The following XYLT1 variants were observed in gnomAD, a reference collection of about 807,000 sequenced individuals.
XYLT1 encodes the protein xylosyltransferase 1.
In XYLT1, 36 loss-of-function variants were observed where a neutral mutation model predicts 91.3. That is an observed-to-expected ratio of 0.39 (90% CI 0.30 to 0.52). The LOEUF is 0.52. Among genes scored for constraint, XYLT1 ranks in the 20% least tolerant of loss-of-function variants. The probability of loss-of-function intolerance (pLI) is 0.68; values close to 1 mark genes in which losing one functional copy is unlikely to be tolerated. For missense variants in XYLT1, 1,242 were observed against 1,284.5 expected (o/e 0.97, Z 0.51); for synonymous variants, 588 against 532.0 (o/e 1.11, Z -1.45).
chr16:17,352,146 C>A (rs1454200954), intron 2 of XYLT1, among the ~76,000 whole-genome samples: 2 of 152,138 alleles, frequency 1.3e-5, no homozygotes, highest in Non-Finnish European at 2.9e-5. Context: ...AGGAAAAAGT[C>A]TCAGGTGATT....
intron 2 of XYLT1, among the ~76,000 whole-genome samples, chr16:17,347,017 GGGGAGCC>G (rs1440677405): frequency 6.6e-6 from 1 of 152,170 alleles, no homozygotes; most frequent in Non-Finnish European, 1.5e-5. Context: ...CACATTGAGG[GGGGAGCC>G]GGGGTAGCCC....
chr16:17,402,150 C>A lies in XYLT1; in HGVS notation c.364-44100G>T, dbSNP rs1265333564. ...CCTGTTTCTACAAAAAAAAAAAACA[C>A]ACACACACACACACAAAAAGTTAGC... On this transcript the variant is annotated intron_variant, in intron 1 of 11. Coordinates refer to ENST00000261381, the MANE Select transcript of XYLT1 (RefSeq NM_022166.4). 3.9e-3 allele frequency among the ~76,000 whole-genome samples: 583 copies of A among 148,630 alleles called. 1 individual carries two copies. The highest frequency in any genetic ancestry group is 0.014 in the African/African-American group (558 of 39,862).
intron 1 of XYLT1, among the ~76,000 whole-genome samples, chr16:17,376,355 A>G (rs572257224): frequency 1.4e-4 from 21 of 152,306 alleles, no homozygotes; most frequent in African/African-American, 4.8e-4. Flanking sequence ...CTAAGAGGAC[A>G]GAGGTAGGCC....
At chr16:17,257,912 A>G (rs1347689162) in intron 3 of XYLT1, among the ~76,000 whole-genome samples, 2 of 152,176 alleles carry the variant, frequency 1.3e-5, no homozygotes, top group Non-Finnish European at 2.9e-5. Flanking sequence ...TTCCAAGGGC[A>G]CTAGAGAAGG....
chr16:17,116,827 C>T (rs2141483209), intron 11 of XYLT1, among the ~76,000 whole-genome samples: 1 of 152,324 alleles, frequency 6.6e-6, no homozygotes, highest in East Asian at 1.9e-4. Flanking sequence ...TCACGCATTT[C>T]CCAATATGAT....
intron 6 of XYLT1, among the ~76,000 whole-genome samples, chr16:17,143,777 ATCG>A (rs2031051384): frequency 1.3e-5 from 2 of 150,402 alleles, no homozygotes; most frequent in Admixed American, 6.6e-5. Flanking sequence ...CATCACCACC[ATCG>A]TCATCATCAC....
rs200026293 is a variant in XYLT1, at chr16:17,141,193, T to C, written c.1547A>G (p.Lys516Arg). The C allele has an allele frequency of 1.1e-5, 18 of 1,614,134 alleles. No individual in the cohort carries two copies. The Middle Eastern group carries it at 6.6e-4, about 59-fold the overall frequency. Residue 516 changes from lysine (K) to arginine (R), a missense_variant, in exon 7 of 12, where the codon AAG becomes AGG. By Grantham distance (26) the Lys-to-Arg change is conservative. Coordinates refer to ENST00000261381, the MANE Select transcript of XYLT1 (RefSeq NM_022166.4). ...GGTGTAGGAGTAGAACTGTTTCATC[T>C]TGGTCACCAGATCGTCTGTGGAGAA... ...VTFSTDDLVT[K>R]MKQFYSYTLL...
intron 1 of XYLT1, among the ~76,000 whole-genome samples, chr16:17,362,924 T>C (rs1271033140): frequency 6.6e-6 from 1 of 152,182 alleles, no homozygotes; most frequent in Non-Finnish European, 1.5e-5. Context: ...TGCTACCTTC[T>C]TCCACAGACG....
intron 1 of XYLT1, among the ~76,000 whole-genome samples, chr16:17,425,907 T>G (rs2036312373): frequency 6.6e-6 from 1 of 152,186 alleles, no homozygotes; most frequent in South Asian, 2.1e-4. Context: ...CGCCACCCTG[T>G]GCCACTTCCT....
intron 3 of XYLT1, among the ~76,000 whole-genome samples, chr16:17,245,276 G>T (rs1259686457): frequency 6.6e-6 from 1 of 152,124 alleles, no homozygotes; most frequent in Non-Finnish European, 1.5e-5. Flanking sequence ...TCCTTTCCCT[G>T]CCTTCTCACC....
At chr16:17,376,204 T>C (rs1364266937) in intron 1 of XYLT1, among the ~76,000 whole-genome samples, 1 of 151,926 alleles carries the variant, frequency 6.6e-6, no homozygotes, top group African/African-American at 2.4e-5. Flanking sequence ...GACACGCTTA[T>C]TTGTCATAAC....
At chr16:17,244,167 G>C (rs570750471) in intron 3 of XYLT1, among the ~76,000 whole-genome samples, 1 of 152,068 alleles carries the variant, frequency 6.6e-6, no homozygotes, top group Admixed American at 6.5e-5. Context: ...TCCCAGGTCC[G>C]GGCTTCTCAA....
At chr16:17,177,833 G>A (rs2031978349) in intron 5 of XYLT1, among the ~76,000 whole-genome samples, 1 of 152,184 alleles carries the variant, frequency 6.6e-6, no homozygotes, top group Non-Finnish European at 1.5e-5. Context: ...GTCACTCTGG[G>A]AAATCTTTGA....
intron 2 of XYLT1, among the ~76,000 whole-genome samples, chr16:17,340,080 C>G (rs529193403): frequency 6.6e-6 from 1 of 152,150 alleles, no homozygotes; most frequent in African/African-American, 2.4e-5. Context: ...ACCCACTCAC[C>G]TCTCTATCCA....
intron 5 of XYLT1, among the ~76,000 whole-genome samples, chr16:17,187,977 T>C (rs1439049014): frequency 6.6e-6 from 1 of 152,098 alleles, no homozygotes; most frequent in East Asian, 1.9e-4. Flanking sequence ...CCAGCTCCTG[T>C]TGAAATCCTC....
intron 6 of XYLT1, among the ~76,000 whole-genome samples, chr16:17,148,295 G>A (rs140595797): frequency 3.3e-5 from 5 of 152,120 alleles, no homozygotes; most frequent in Admixed American, 6.6e-5. Flanking sequence ...CCTCCCCCAT[G>A]CCTGGCATCC....
chr16:17,200,050 G>T (rs867861471), intron 4 of XYLT1, among the ~76,000 whole-genome samples: 30 of 151,640 alleles, frequency 2.0e-4, no homozygotes, highest in African/African-American at 7.0e-4. Context: ...GTGAAACCTT[G>T]TCTCTACTAA....
Position 17,470,577 on chromosome 16 carries a change from G to C in XYLT1, c.220C>G (p.Pro74Ala). ...RRERRDLPAE[P>A]AAARGGGGGG... ...CCTCCTCCTCCTCGGGCTGCAGCCG[G>C]CTCGGCGGGCAGGTCCCGGCGCTCC... The change falls in exon 1 of 12, where the codon CCG becomes GCG. Residue 74 changes from proline to alanine, a missense_variant. Transcript: ENST00000261381. 3 of 1,197,332 alleles carry C rather than the reference G, an allele frequency of 2.5e-6. No individual in the cohort carries two copies. Among genetic ancestry groups the C allele is most frequent in the Non-Finnish European group, 3.1e-6 (3 of 966,674 alleles). 74.2% of individuals were successfully genotyped at this position (1,197,332 alleles called of 1,614,324 possible). A position where few individuals can be genotyped will look rare whatever the true frequency, so the allele number is the denominator to read the frequency against.
In XYLT1 at chr16:17,134,661, G is replaced by A. The variant is rs1364011934; in HGVS notation, c.1839C>T (p.Asp613=). The part of the protein sequence containing the change: ...VVNQEIIGQL[D]YYLYGNYPAG... ...CAGGGTAGTTCCCGTACAGGTAATA[G>A]TCCAGCTGCCCAATGATTTCCTGAT... The change falls in exon 9 of 12, where the codon GAC becomes GAT. Residue 613 remains aspartate (D), a synonymous_variant. Coordinates refer to ENST00000261381, the MANE Select transcript of XYLT1 (RefSeq NM_022166.4). 1.2e-6 allele frequency: 2 copies of A among 1,614,080 alleles called. No individual in the cohort carries two copies. Among genetic ancestry groups the A allele is most frequent in the African/African-American group, 1.3e-5 (1 of 74,932 alleles).
Sources: allele counts gnomAD v4.1 joint callset (sites outside exome capture counted in the v4.1 genomes callset), GRCh38; gene constraint gnomAD v4.1.1; transcripts MANE v1.5; gene names NCBI Gene and HGNC (gene_info 2026-07-23, HGNC 2026-07-21).